The following KCNT2 variants were observed in gnomAD, a reference collection of about 807,000 sequenced individuals.
KCNT2 encodes potassium sodium-activated channel subfamily T member 2, also known as potassium channel subfamily T member 2.
Under a neutral mutation model 153.8 loss-of-function variants are expected in KCNT2, and 67 were observed. The ratio of observed to expected loss-of-function variants is 0.44; its 90% confidence interval spans 0.36 to 0.53. The LOEUF is 0.53. Among genes scored for constraint, KCNT2 ranks in the 20% least tolerant of loss-of-function variants. The pLI is 0.00. For missense variants in KCNT2, 975 were observed against 1,354.8 expected (o/e 0.72, Z 4.40); for synonymous variants, 500 against 458.8 (o/e 1.09, Z -1.15).
chr1:196,261,953 T>C (rs925869949), intron 25 of KCNT2, among the ~76,000 whole-genome samples: 3 of 151,886 alleles, frequency 2.0e-5, no homozygotes, highest in Admixed American at 1.3e-4. Context: ...AATTGATGAC[T>C]ACTCCAACAA....
intron 13 of KCNT2, among the ~76,000 whole-genome samples, chr1:196,396,992 A>C (rs954356161): frequency 3.3e-5 from 5 of 151,548 alleles, no homozygotes; most frequent in Non-Finnish European, 7.4e-5. Flanking sequence ...TATTGTTTTA[A>C]GGTCTTGATA....
intron 14 of KCNT2, among the ~76,000 whole-genome samples, chr1:196,349,650 C>G (rs945298873): frequency 5.3e-5 from 8 of 151,888 alleles, no homozygotes; most frequent in Non-Finnish European, 8.8e-5. Flanking sequence ...AGATGGGGTA[C>G]TAGAAAGATA....
chr1:196,406,084 A>C (rs1267270457), intron 12 of KCNT2, among the ~76,000 whole-genome samples: 1 of 151,464 alleles, frequency 6.6e-6, no homozygotes, highest in Non-Finnish European at 1.5e-5. Flanking sequence ...ACTCAAAAGC[A>C]CCTTGAGGTC....
intron 26 of KCNT2, among the ~76,000 whole-genome samples, chr1:196,241,076 G>T (rs1057154685): frequency 3.9e-5 from 6 of 152,028 alleles, no homozygotes; most frequent in Non-Finnish European, 8.8e-5. Flanking sequence ...CAGAGAAAGA[G>T]ACTTAGAGAA....
intron 13 of KCNT2, among the ~76,000 whole-genome samples, chr1:196,388,573 A>G (rs1670201795): frequency 6.6e-6 from 1 of 151,646 alleles, no homozygotes; most frequent in African/African-American, 2.4e-5. Flanking sequence ...AATTTCTCTC[A>G]GCAATGTTTA....
chr1:196,308,792 G>A (rs77119640), intron 21 of KCNT2, among the ~76,000 whole-genome samples: 4,036 of 151,968 alleles, frequency 0.027, 78 homozygotes, highest in South Asian at 0.083. Flanking sequence ...CCAGTGTAAG[G>A]AGACACAGAT....
chr1:196,420,806 T>C (rs1004803592), intron 12 of KCNT2, among the ~76,000 whole-genome samples: 2 of 152,082 alleles, frequency 1.3e-5, no homozygotes, highest in Admixed American at 6.6e-5. Flanking sequence ...AATTTTAGCA[T>C]GGTGCCTAGA....
chr1:196,567,267 C>T (rs1389823230), intron 1 of KCNT2, among the ~76,000 whole-genome samples: 5 of 151,998 alleles, frequency 3.3e-5, no homozygotes, highest in African/African-American at 1.2e-4. Context: ...ACTCTCTTTC[C>T]TATGCCCTCT....
chr1:196,416,425 T>C (rs1672757293), intron 12 of KCNT2, among the ~76,000 whole-genome samples: 3 of 152,064 alleles, frequency 2.0e-5, no homozygotes, highest in African/African-American at 7.2e-5. Context: ...TAGTGCATAG[T>C]ATATATAGGG....
chr1:196,342,138 T>C lies in KCNT2; in HGVS notation c.1494A>G (p.Thr498=), dbSNP rs1466498779. The change falls in exon 15 of 28, where the codon ACA becomes ACG. Residue 498 remains threonine (T), a synonymous_variant. Coordinates refer to ENST00000294725, the MANE Select transcript of KCNT2 (RefSeq NM_198503.5). ...TCTTTCCTTCATATTCAGCAAAAAA[T>C]GTACTTTCTTCCAAAACAATGTGGT... is the stretch of plus-strand genomic sequence containing the variant. ...EVYHIVLEES[T]FFAEYEGKSF... is the part of the protein sequence containing the mutation. 2 of 1,611,104 alleles carry C rather than the reference T, an allele frequency of 1.2e-6. No individual in the cohort carries two copies. Among genetic ancestry groups the C allele is most frequent in the Non-Finnish European group, 1.7e-6 (2 of 1,178,704 alleles).
In KCNT2 at chr1:196,331,251, CT is replaced by C; in HGVS notation, c.2007del (p.Gly670ValfsTer9). On this transcript the variant is annotated frameshift_variant, in exon 18 of 28. Coordinates refer to ENST00000294725, the MANE Select transcript of KCNT2 (RefSeq NM_198503.5). LOFTEE classifies it high-confidence loss of function. ...ATATATGGAGAATAAGGTGGGTAAC[CT>C]TTAGCATACCTGTAAAATAATACAA... ...EEMSSNLEYA[K>X]GYPPYSPYIG... is the part of the protein sequence containing the mutation. 6.5e-7 allele frequency: 1 copy of C among 1,548,542 alleles called. No individual in the cohort carries two copies. Among genetic ancestry groups the C allele is most frequent in the Non-Finnish European group, 8.9e-7 (1 of 1,121,290 alleles).
intron 21 of KCNT2, among the ~76,000 whole-genome samples, chr1:196,310,620 G>A (rs977078112): frequency 2.0e-5 from 3 of 151,204 alleles, no homozygotes; most frequent in Middle Eastern, 3.2e-3. Flanking sequence ...TGTTTCCTTC[G>A]TAAGATTATG....
intron 1 of KCNT2, among the ~76,000 whole-genome samples, chr1:196,587,726 A>G (rs753246476): frequency 6.6e-6 from 1 of 152,074 alleles, no homozygotes; most frequent in South Asian, 2.1e-4. Context: ...GAAAAGAAGT[A>G]TCAAAAATAA....
intron 21 of KCNT2, among the ~76,000 whole-genome samples, chr1:196,312,625 T>C (rs1444924303): frequency 1.3e-5 from 2 of 151,754 alleles, no homozygotes; most frequent in Non-Finnish European, 1.5e-5. Flanking sequence ...GCTTTGGTTT[T>C]TAATCTGAAT....
intron 1 of KCNT2, among the ~76,000 whole-genome samples, chr1:196,550,203 T>TA (rs1412577111): frequency 6.6e-6 from 1 of 151,842 alleles, no homozygotes; most frequent in Non-Finnish European, 1.5e-5. Flanking sequence ...GTTTAAAGGA[T>TA]AAAAAAGTAT....
Position 196,319,469 on chromosome 1 carries a change from G to T in KCNT2, c.2348+15C>A, listed in dbSNP as rs749490527. 1.5e-4 allele frequency: 233 copies of T among 1,597,686 alleles called. No homozygotes were observed. Among genetic ancestry groups the T allele is most frequent in the Non-Finnish European group, 1.8e-4 (213 of 1,166,530 alleles). ...ACACTACACTAGTTAGTGTGCCAAAGATTTTGTCACCTACTTGTCAATAGA... is the reference window on the plus strand; with the variant it reads ...ACACTACACTAGTTAGTGTGCCAAATATTTTGTCACCTACTTGTCAATAGA... On this transcript the variant is annotated intron_variant, in intron 20 of 27. Coordinates refer to ENST00000294725, the MANE Select transcript of KCNT2 (RefSeq NM_198503.5).
chr1:196,386,446 T>C (rs754938866), intron 13 of KCNT2, among the ~76,000 whole-genome samples: 6 of 152,146 alleles, frequency 3.9e-5, no homozygotes, highest in Non-Finnish European at 7.4e-5. Flanking sequence ...CTTAGAACAG[T>C]AGCCCTTGCA....
intron 4 of KCNT2, among the ~76,000 whole-genome samples, chr1:196,480,967 C>T (rs2148703563): frequency 6.8e-6 from 1 of 148,016 alleles, no homozygotes; most frequent in East Asian, 2.1e-4. Context: ...TAATATATGG[C>T]TATTCATAAA....
intron 27 of KCNT2, among the ~76,000 whole-genome samples, chr1:196,228,873 G>A (rs1344130546): frequency 1.3e-5 from 2 of 151,972 alleles, no homozygotes; most frequent in Non-Finnish European, 2.9e-5. Flanking sequence ...AAAATCAACA[G>A]TTTAACAAAT....
Sources: gnomAD v4.1 joint callset for allele counts (sites outside exome capture counted in the v4.1 genomes callset) on GRCh38, gnomAD v4.1.1 for gene constraint, MANE v1.5 for transcripts, NCBI Gene and HGNC (gene_info 2026-07-23, HGNC 2026-07-21) for gene names.